Variants in GCN1 observed in about 807,000 individuals in gnomAD.
GCN1 encodes stalled ribosome sensor GCN1.
Under a neutral mutation model 288.4 loss-of-function variants are expected in GCN1, and 90 were observed. The ratio of observed to expected loss-of-function variants is 0.31; its 90% CI spans 0.26 to 0.37. The LOEUF (loss-of-function observed/expected upper bound fraction) is 0.37, where lower values mean the gene tolerates loss of function less well. Among genes scored for constraint, GCN1 ranks in the 10% least tolerant of loss-of-function variants. The pLI, the probability that GCN1 is intolerant of heterozygous loss-of-function variation, is 1.00. For synonymous variants in GCN1, 1,386 were observed against 1,420.2 expected (o/e 0.98, Z 0.54); for missense variants, 2,586 against 3,419.9 (o/e 0.76, Z 6.08).
In GCN1 at chr12:120,183,681, C is replaced by T. The variant is rs1878735722; in HGVS notation, c.318-4G>A. The stretch of plus-strand genomic sequence containing the variant: ...GGCGGCAGAGCCACTGCTCTTACTG[C>T]AGAGCAGAGTTGGGGATGAGTTCAG... On this transcript the variant is annotated splice_polypyrimidine_tract_variant and splice_region_variant and intron_variant, in intron 4 of 57. Transcript: ENST00000300648. 3 of 1,566,934 alleles carry T rather than the reference C, an allele frequency of 1.9e-6. No individual in the cohort carries two copies. Among genetic ancestry groups the T allele is most frequent in the Middle Eastern group, 1.7e-4 (1 of 5,950 alleles).
At chr12:120,146,587 AT>A (rs57449954) in intron 38 of GCN1, among the ~76,000 whole-genome samples, 39,035 of 151,618 alleles carry the variant, frequency 0.26, 6,753 homozygotes, top group East Asian at 0.55. Flanking sequence ...ACTTTTATAT[AT>A]TTTTTTTGCC....
rs368525723 is a variant in GCN1, at chr12:120,153,164, G to T, written c.4062+49C>A. On this transcript the variant is annotated intron_variant, in intron 33 of 57. Transcript: ENST00000300648. This position sits in a 1 kb window ranked among gnomAD's most constrained non-coding sequence, Gnocchi z 4.4. ...TATCCCACCGCCTAACCACAGCCGG[G>T]TCCCAATTCTCTAACCGACATGTGG... 3 of 1,533,512 alleles carry T rather than the reference G, an allele frequency of 2.0e-6. No homozygotes were observed. The highest frequency in any genetic ancestry group is 1.7e-5 in the Admixed American group (1 of 59,448). 95.0% of individuals were successfully genotyped at this position (1,533,512 alleles called of 1,614,324 possible).
Position 120,157,867 on chromosome 12 carries a change from T to G in GCN1, c.3069A>C (p.Pro1023=), listed in dbSNP as rs1877801376. 1 of 1,613,340 alleles carries G rather than the reference T, an allele frequency of 6.2e-7. No individual in the cohort carries two copies. The highest frequency in any genetic ancestry group is 8.5e-7 in the Non-Finnish European group (1 of 1,179,684). Residue 1023 remains proline (P), a synonymous_variant, in exon 26 of 58, where the codon CCA becomes CCC. Transcript: ENST00000300648. ...QAQLRASPNT[P]PGRVDENGPE... The stretch of plus-strand genomic sequence containing the variant: ...TGCCAACCTCGTCCACCCGCCCGGG[T>G]GGGGTGTTGGGGGAGGCCCTCAGCT...
chr12:120,157,868 G>T lies in GCN1; in HGVS notation c.3068C>A (p.Pro1023Gln), dbSNP rs749860794. 1.9e-6 allele frequency: 3 copies of T among 1,613,660 alleles called. No individual in the cohort carries two copies. The highest frequency in any genetic ancestry group is 2.5e-6 in the Non-Finnish European group (3 of 1,179,826). Residue 1023 changes from proline to glutamine, a missense_variant, in exon 26 of 58, where the codon CCA (proline) becomes CAA (glutamine). Transcript: ENST00000300648. ...GCCAACCTCGTCCACCCGCCCGGGT[G>T]GGGTGTTGGGGGAGGCCCTCAGCTG... ...QAQLRASPNTPPGRVDENGPE... is the reference protein window; with the variant it reads ...QAQLRASPNTQPGRVDENGPE...
Position 120,153,762 on chromosome 12 carries a change from C to G in GCN1, c.3849G>C (p.Thr1283=). The change falls in exon 32 of 58, where the codon ACG becomes ACC. Residue 1283 remains threonine (T), a synonymous_variant. Transcript: ENST00000300648. This position sits in a 1 kb window ranked among gnomAD's most constrained non-coding sequence, Gnocchi z 4.4. ...CCCTTACCTTCCCATGAGTGTTGAGCGTTGCGAGGGCTGCATCCAACATGC... is the reference window on the plus strand; with the variant it reads ...CCCTTACCTTCCCATGAGTGTTGAGGGTTGCGAGGGCTGCATCCAACATGC... ...RKCMLDAALA[T]LNTHGKENVN... The G allele has an allele frequency of 6.2e-7, 1 of 1,614,062 alleles. No homozygotes were observed. The highest frequency in any genetic ancestry group is 1.1e-5 in the South Asian group (1 of 91,066).
In GCN1 at chr12:120,137,213, G is replaced by C; in HGVS notation, c.6770C>G (p.Pro2257Arg). The change falls in exon 50 of 58, where the codon CCG becomes CGG. Residue 2257 changes from proline to arginine, a missense_variant. Pro to Arg is a moderately radical substitution (Grantham distance 103, BLOSUM62 -2). Around this residue, in one of 8 missense-constraint regions of GCN1, gnomAD observed 437 missense variants for 570.5 expected, o/e 0.77. Transcript: ENST00000300648. This position sits in a 1 kb window ranked among gnomAD's most constrained non-coding sequence, Gnocchi z 5.2. ...CACGAGGCCCTGGCTTACCTTCTTCGGGAGGCAGAATCCTGGCACATGCTC... is the reference window on the plus strand; with the variant it reads ...CACGAGGCCCTGGCTTACCTTCTTCCGGAGGCAGAATCCTGGCACATGCTC... ...KGEHVPGFCL[P>R]KKGVTSILPV... 6.2e-7 allele frequency: 1 copy of C among 1,612,862 alleles called. No individual in the cohort carries two copies. The highest frequency in any genetic ancestry group is 8.5e-7 in the Non-Finnish European group (1 of 1,178,910).
chr12:120,177,935 G>C (rs953982133), intron 7 of GCN1, 183 bp from the exon 8 acceptor site: 2 of 611,044 alleles, frequency 3.3e-6, no homozygotes, highest in Admixed American at 5.5e-5. Flanking sequence ...GCTTTCCATG[G>C]CCCCCGGGAT....
At chr12:120,135,525 G>A (rs572632680) in intron 51 of GCN1, among the ~76,000 whole-genome samples, 2,384 of 152,086 alleles carry the variant, frequency 0.016, 45 homozygotes, top group Non-Finnish European at 0.018. Context: ...CACAATGCCC[G>A]GCTAATTTTG....
intron 11 of GCN1, among the ~76,000 whole-genome samples, 186 bp from the exon 12 acceptor site, chr12:120,175,398 C>T (rs1670215421): frequency 6.6e-6 from 1 of 152,146 alleles, no homozygotes; most frequent in South Asian, 2.1e-4. Flanking sequence ...AAGAATGTTC[C>T]TACAAAAAAC....
chr12:120,130,010 C>T (rs1453731703), intron 56 of GCN1, among the ~76,000 whole-genome samples: 3 of 152,218 alleles, frequency 2.0e-5, no homozygotes, highest in African/African-American at 7.2e-5. Context: ...TCAGAAACTC[C>T]GTGGGTTCCC....
intron 36 of GCN1, among the ~76,000 whole-genome samples, chr12:120,149,397 C>G (rs191076483): frequency 6.6e-6 from 1 of 152,082 alleles, no homozygotes; most frequent in Non-Finnish European, 1.5e-5. Flanking sequence ...TAGTGGCATG[C>G]TCCTGTGAGA....
chr12:120,184,728 C>A lies in GCN1; in HGVS notation c.185+96G>T, dbSNP rs1329130560. On this transcript the variant is annotated intron_variant, in intron 3 of 57. Coordinates refer to ENST00000300648, the MANE Select transcript of GCN1 (RefSeq NM_006836.2). ...GATGTGACATAGCCCAGATTTGGCA[C>A]CAGGCAGTCTGGCTCTAATCTGGGC... The A allele has an allele frequency of 1.1e-5, 10 of 896,176 alleles. No individual in the cohort carries two copies. The African/African-American group carries it at 1.1e-4, about 10-fold the overall frequency. 55.5% of individuals were successfully genotyped at this position (896,176 alleles called of 1,614,324 possible).
chr12:120,150,243 G>C (rs968190934), intron 34 of GCN1, among the ~76,000 whole-genome samples, 200 bp from the exon 35 acceptor site: 1 of 152,164 alleles, frequency 6.6e-6, no homozygotes, highest in East Asian at 1.9e-4. Context: ...GAATGTGGCT[G>C]AGCGAAAGGG....
At chr12:120,131,364 G>A (rs373300324) in intron 54 of GCN1, 31 bp from the exon 55 acceptor site, 125 of 1,609,590 alleles carry the variant, frequency 7.8e-5, no homozygotes, top group South Asian at 7.2e-4. Context: ...GGGATCAACC[G>A]GTATTTTACA....
rs1172349661 is a variant in GCN1 at position 120,134,923 on chromosome 12, C to T, written c.7009-197G>A. Among the ~76,000 whole-genome samples, 1 of 152,226 alleles carries T rather than the reference C, an allele frequency of 6.6e-6. No homozygotes were observed. The highest frequency in any genetic ancestry group is 6.5e-5 in the Admixed American group (1 of 15,288). ...TGGCCTCCTGGTCATATCCAGCATG[C>T]TTTGATACACTGGAGGAGCAGGAGG... On this transcript the variant is annotated intron_variant, in intron 51 of 57. Transcript: ENST00000300648. The surrounding 1 kb of genome is among the most constrained non-coding windows in gnomAD (Gnocchi z 5.0).
In GCN1 at chr12:120,164,382, G is replaced by A. The variant is rs375873694; in HGVS notation, c.1802C>T (p.Ala601Val). Reference protein sequence around the residue: ...LLSSLGGFKLAHGLLEELKTV... With the variant: ...LLSSLGGFKLVHGLLEELKTV... The stretch of plus-strand genomic sequence containing the variant: ...CTTCAGCTCCTCCAAGAGTCCGTGC[G>A]CCAGCTTAAAGCCCCCAAGAGAGGA... The change falls in exon 18 of 58, where the codon GCG (alanine) becomes GTG (valine). Residue 601 changes from alanine (A) to valine (V), a missense_variant. This residue lies in a region of GCN1 where 913 missense variants were observed against 1,107.0 expected (regional missense o/e 0.82). Transcript: ENST00000300648. 4.2e-5 allele frequency: 67 copies of A among 1,614,010 alleles called. 1 individual carries two copies. Among genetic ancestry groups the A allele is most frequent in the Middle Eastern group, 1.6e-4 (1 of 6,084 alleles).
chr12:120,142,926 C>A lies in GCN1; in HGVS notation c.5511G>T (p.Gln1837His). The A allele has an allele frequency of 2.5e-6, 4 of 1,608,400 alleles. No homozygotes were observed. Among genetic ancestry groups the A allele is most frequent in the Admixed American group, 1.7e-5 (1 of 60,024 alleles). The change falls in exon 43 of 58, where the codon CAG (glutamine) becomes CAT (histidine). Residue 1837 changes from glutamine to histidine, a missense_variant. Around this residue, in one of 8 missense-constraint regions of GCN1, gnomAD observed 371 missense variants for 572.6 expected, o/e 0.65. Coordinates refer to ENST00000300648, the MANE Select transcript of GCN1 (RefSeq NM_006836.2). The surrounding 1 kb of genome is among the most constrained non-coding windows in gnomAD (Gnocchi z 4.9). ...DLWRIRFSSV[Q>H]LLGDLLFHIS... ...TGTGAAACAGGAGATCCCCAAGGAG[C>A]TGAACAGAGCTGAACCTGAGAAGGA...
chr12:120,168,487 C>T (rs994420161), intron 15 of GCN1, 187 bp from the exon 16 acceptor site: 6 of 534,930 alleles, frequency 1.1e-5, no homozygotes, highest in Non-Finnish European at 2.0e-5. Context: ...CGAAACTCTT[C>T]GGTGGCTCTC....
chr12:120,161,311 T>C (rs1201105644), intron 22 of GCN1, among the ~76,000 whole-genome samples, 179 bp downstream of exon 22: 1 of 152,080 alleles, frequency 6.6e-6, no homozygotes, highest in African/African-American at 2.4e-5. Flanking sequence ...GAAGAAGCTA[T>C]GAAGCAAGGG....
Sources: allele counts gnomAD v4.1 joint callset (sites outside exome capture counted in the v4.1 genomes callset), GRCh38; gene constraint gnomAD v4.1.1; regional missense constraint gnomAD v4.1.1; non-coding constraint Gnocchi (gnomAD v3.1); transcripts MANE v1.5; gene names NCBI Gene and HGNC (gene_info 2026-07-23, HGNC 2026-07-21).